ROBO2: variants seen among roughly 807,000 people sequenced by gnomAD.
ROBO2 encodes roundabout homolog 2.
A neutral mutation model predicts 160.8 loss-of-function variants in ROBO2; 53 were observed. The observed-to-expected ratio is 0.33, with a 90% CI of 0.26 to 0.41. ROBO2 has a LOEUF of 0.41. Among genes scored for constraint, ROBO2 ranks in the 10% least tolerant of loss-of-function variants. ROBO2 has a pLI of 1.00. For missense variants in ROBO2, 1,577 were observed against 1,722.4 expected, an observed-to-expected ratio of 0.92 and a Z score of 1.49; for synonymous variants, 664 against 611.7, an observed-to-expected ratio of 1.09 and a Z score of -1.26.
chr3:77,183,457 T>C (rs935722697), intron 2 of ROBO2, among the ~76,000 whole-genome samples: 1 of 151,972 alleles, frequency 6.6e-6, no homozygotes, highest in African/African-American at 2.4e-5. Context: ...CCTAGACTAA[T>C]GCAACGGGTG....
intron 2 of ROBO2, among the ~76,000 whole-genome samples, chr3:76,498,298 C>A (rs532187822): frequency 2.0e-5 from 3 of 151,922 alleles, no homozygotes; most frequent in Non-Finnish European, 4.4e-5. Context: ...TTGCTGGGGG[C>A]GCAGTAGGGT....
At chr3:76,959,791 T>TGACTAGTTGACTAGTTG (rs1397641388) in intron 2 of ROBO2, among the ~76,000 whole-genome samples, 1 of 152,138 alleles carries the variant, frequency 6.6e-6, no homozygotes, top group Non-Finnish European at 1.5e-5. Flanking sequence ...TTATTTGAAT[T>TGACTAGTTGACTAGTTG]ATTTGAAGTT....
chr3:77,215,479 G>T (rs1004540709), intron 2 of ROBO2, among the ~76,000 whole-genome samples: 1 of 151,970 alleles, frequency 6.6e-6, no homozygotes, highest in African/African-American at 2.4e-5. Context: ...TTAGCCATTT[G>T]TCTAATTTTT....
chr3:77,277,976 C>T (rs542881085), intron 2 of ROBO2, among the ~76,000 whole-genome samples: 1 of 152,164 alleles, frequency 6.6e-6, no homozygotes, highest in African/African-American at 2.4e-5. Context: ...TCTGTTGTTT[C>T]TTAACTTTTT....
intron 2 of ROBO2, among the ~76,000 whole-genome samples, chr3:76,707,657 T>C (rs2093195376): frequency 6.6e-6 from 1 of 151,396 alleles, no homozygotes; most frequent in African/African-American, 2.4e-5. Context: ...TTTCATTCTC[T>C]GTGTTCATGC....
At chr3:76,298,694 A>T (rs903763071) in intron 2 of ROBO2, among the ~76,000 whole-genome samples, 3 of 152,194 alleles carry the variant, frequency 2.0e-5, no homozygotes, top group Non-Finnish European at 4.4e-5. Context: ...CATGTTTAAA[A>T]TGGGACACTG....
At chr3:76,164,021 G>A (rs1014580294) in intron 2 of ROBO2, among the ~76,000 whole-genome samples, 1 of 152,066 alleles carries the variant, frequency 6.6e-6, no homozygotes, top group African/African-American at 2.4e-5. Context: ...TTAAAAATTG[G>A]AGTCAATCCC....
chr3:76,359,219 G>A (rs2075361901), intron 2 of ROBO2, among the ~76,000 whole-genome samples: 1 of 151,798 alleles, frequency 6.6e-6, no homozygotes, highest in Non-Finnish European at 1.5e-5. Context: ...TGTGAATAGT[G>A]CCGCAATAAA....
intron 24 of ROBO2, chr3:77,642,854 A>T (rs1160490645): frequency 1.1e-5 from 5 of 456,596 alleles, no homozygotes; most frequent in African/African-American, 1.0e-4. Context: ...ACCTCCCTAG[A>T]GTGGCAGCGA....
intron 2 of ROBO2, among the ~76,000 whole-genome samples, chr3:76,706,957 G>A (rs951622037): frequency 1.3e-5 from 2 of 151,914 alleles, no homozygotes; most frequent in South Asian, 2.1e-4. Flanking sequence ...AGAGGATGAA[G>A]CCTAAATTTG....
chr3:77,107,074 G>A (rs1274404649), intron 2 of ROBO2, among the ~76,000 whole-genome samples: 2 of 152,160 alleles, frequency 1.3e-5, no homozygotes, highest in Non-Finnish European at 2.9e-5. Context: ...GAGCCTATAA[G>A]CCTGAGTTCA....
At chr3:76,839,554 G>A (rs545183804) in intron 2 of ROBO2, among the ~76,000 whole-genome samples, 44 of 152,200 alleles carry the variant, frequency 2.9e-4, no homozygotes, top group South Asian at 1.0e-3. Flanking sequence ...GTGTATTGTC[G>A]AATTCATTAT....
chr3:77,397,151 T>C (rs2075356993), intron 2 of ROBO2, among the ~76,000 whole-genome samples: 1 of 151,922 alleles, frequency 6.6e-6, no homozygotes, highest in Non-Finnish European at 1.5e-5. Context: ...AAAAAATTGC[T>C]CTCTCACCCA....
chr3:77,253,300 G>A (rs2090584195), intron 2 of ROBO2, among the ~76,000 whole-genome samples: 1 of 152,162 alleles, frequency 6.6e-6, no homozygotes, highest in Non-Finnish European at 1.5e-5. Context: ...AGGAAGCCAA[G>A]CAAGCATTTC....
chr3:76,432,866 AAGG>A (rs1349220795), intron 2 of ROBO2, among the ~76,000 whole-genome samples: 8 of 151,724 alleles, frequency 5.3e-5, no homozygotes, highest in African/African-American at 9.7e-5. Context: ...GAAGGAAAGA[AAGG>A]AGGAGAGAGG....
rs1316908299 is a variant in ROBO2 at position 76,548,432 on chromosome 3, C to G, written c.110-549582C>G. ...TTGGAATACAGAAGCCAATGGCACC[C>G]TGTCTTTGAGAATGGGTAAGAGAGG... On this transcript the variant is annotated intron_variant, in intron 2 of 26. Transcript: ENST00000487694. 2.6e-5 allele frequency among the ~76,000 whole-genome samples: 4 copies of G among 152,110 alleles called. No homozygotes were observed. In the East Asian group the frequency reaches 7.7e-4, roughly 29 times the overall value.
chr3:76,341,736 A>G (rs2074241536), intron 2 of ROBO2, among the ~76,000 whole-genome samples: 1 of 152,168 alleles, frequency 6.6e-6, no homozygotes, highest in Non-Finnish European at 1.5e-5. Context: ...GTTGTGTTGG[A>G]TGCTTAAGAG....
chr3:76,360,568 A>C (rs1252161296), intron 2 of ROBO2, among the ~76,000 whole-genome samples: 1 of 152,118 alleles, frequency 6.6e-6, no homozygotes, highest in African/African-American at 2.4e-5. Flanking sequence ...GAGGCAAATT[A>C]TAGTCATCTA....
intron 2 of ROBO2, among the ~76,000 whole-genome samples, chr3:77,319,844 A>G (rs1296656223): frequency 6.6e-6 from 1 of 152,154 alleles, no homozygotes; most frequent in Non-Finnish European, 1.5e-5. Context: ...CTGTTGAGAA[A>G]GTTGCTTATG....
Sources: allele counts gnomAD v4.1 joint callset (sites outside exome capture counted in the v4.1 genomes callset), GRCh38; gene constraint gnomAD v4.1.1; transcripts MANE v1.5; gene names NCBI Gene and HGNC (gene_info 2026-07-23, HGNC 2026-07-21).